Variants in ARHGAP25 observed in about 807,000 individuals in gnomAD.
ARHGAP25 encodes rho GTPase-activating protein 25.
In ARHGAP25, 34 loss-of-function variants were observed where a neutral mutation model predicts 71.0. The ratio of observed to expected loss-of-function variants is 0.48; its 90% CI spans 0.36 to 0.64. The LOEUF is 0.64. Among genes scored for constraint, ARHGAP25 ranks in the 30% least tolerant of loss-of-function variants. The pLI is 0.00. For missense variants in ARHGAP25, 706 were observed against 805.1 expected, an observed-to-expected ratio of 0.88 and a Z score of 1.49; for synonymous variants, 282 against 296.5, an observed-to-expected ratio of 0.95 and a Z score of 0.50.
Position 68,787,827 on chromosome 2 carries a change from A to G in ARHGAP25, c.350-13A>G. ...CACTCTAAGACCTTCACAAGTGCTA[A>G]TTCTTCCTCCAGCCTCATGGGACCA... On this transcript the variant is annotated splice_polypyrimidine_tract_variant and intron_variant, in intron 3 of 10. Coordinates refer to ENST00000409202, the MANE Select transcript of ARHGAP25 (RefSeq NM_001007231.3). The G allele has an allele frequency of 6.2e-7, 1 of 1,610,964 alleles. No homozygotes were observed. Among genetic ancestry groups the G allele is most frequent in the Non-Finnish European group, 8.5e-7 (1 of 1,177,078 alleles).
chr2:68,816,118 ATTGAG>A (rs763356696), intron 6 of ARHGAP25, 166 bp from the exon 7 acceptor site: 31 of 659,478 alleles, frequency 4.7e-5, no homozygotes, highest in South Asian at 2.9e-4. Flanking sequence ...TTCTGTGAGA[ATTGAG>A]TTATTTCCCT....
intron 5 of ARHGAP25, among the ~76,000 whole-genome samples, chr2:68,812,363 G>A (rs188177780): frequency 2.0e-4 from 30 of 152,188 alleles, no homozygotes; most frequent in Non-Finnish European, 4.1e-4. Context: ...CTCCTGGCCC[G>A]TGGCTTGCCA....
intron 1 of ARHGAP25, among the ~76,000 whole-genome samples, chr2:68,748,873 A>G (rs916009571): frequency 1.3e-5 from 2 of 152,186 alleles, no homozygotes; most frequent in African/African-American, 2.4e-5. Flanking sequence ...AGTCTTCTTG[A>G]TGATTGAAAC....
In ARHGAP25 at chr2:68,775,423, AC is replaced by A. The variant is rs1239781126; in HGVS notation, c.261+5del. On this transcript the variant is annotated splice_donor_region_variant and intron_variant, in intron 2 of 10. Transcript: ENST00000409202. ...ATGAAGAGGACACGAAGCCCCAGGTACCAGCCAGGCTGTTTGTCCCGTTCAT... is the reference window on the plus strand; with the variant it reads ...ATGAAGAGGACACGAAGCCCCAGGTACAGCCAGGCTGTTTGTCCCGTTCAT... 6.2e-7 allele frequency: 1 copy of A among 1,614,112 alleles called. No homozygotes were observed. Among genetic ancestry groups the A allele is most frequent in the African/African-American group, 1.3e-5 (1 of 74,938 alleles).
Position 68,807,447 on chromosome 2 carries a change from C to G in ARHGAP25, c.641C>G (p.Ala214Gly), listed in dbSNP as rs546137847. 1.2e-6 allele frequency: 2 copies of G among 1,614,214 alleles called. No individual in the cohort carries two copies. Among genetic ancestry groups the G allele is most frequent in the African/African-American group, 2.7e-5 (2 of 75,058 alleles). The change falls in exon 5 of 11, where the codon GCT (alanine) becomes GGT (glycine). Residue 214 changes from alanine to glycine, a missense_variant. Ala to Gly is a moderately conservative substitution (Grantham distance 60). Transcript: ENST00000409202. Reference sequence around the variant, plus strand: ...AACCTGGTGAAGCAGCTGAGAGACGCTTTTGATGCTGGGGAGCGGCCCTCC... The same window carrying G: ...AACCTGGTGAAGCAGCTGAGAGACGGTTTTGATGCTGGGGAGCGGCCCTCC... Reference protein sequence around the residue: ...QDNLVKQLRDAFDAGERPSFD... With the variant: ...QDNLVKQLRDGFDAGERPSFD...
chr2:68,746,710 T>TCC (rs1165247749), intron 1 of ARHGAP25, among the ~76,000 whole-genome samples: 2 of 147,236 alleles, frequency 1.4e-5, no homozygotes, highest in East Asian at 2.0e-4. Context: ...ACCACCCCCC[T>TCC]CCCCATCCCC....
intron 3 of ARHGAP25, among the ~76,000 whole-genome samples, chr2:68,783,826 GCCTGCTTTTTCAGTCTCT>G (rs1365842236): frequency 1.3e-5 from 2 of 152,124 alleles, no homozygotes; most frequent in Non-Finnish European, 2.9e-5. Flanking sequence ...AAGCAGGAAA[GCCTGCTTTTTCAGTCTCT>G]CCTCACTAGA....
At chr2:68,749,546 C>T (rs1676035944) in intron 1 of ARHGAP25, among the ~76,000 whole-genome samples, 1 of 152,150 alleles carries the variant, frequency 6.6e-6, no homozygotes, top group Non-Finnish European at 1.5e-5. Context: ...CTGTGAGCAC[C>T]CCAGTGCTTG....
At chr2:68,823,361 G>A (rs1681851104) in intron 10 of ARHGAP25, among the ~76,000 whole-genome samples, 1 of 152,198 alleles carries the variant, frequency 6.6e-6, no homozygotes. Flanking sequence ...GTCAGCTGAT[G>A]GCAAGTGCTG....
intron 1 of ARHGAP25, among the ~76,000 whole-genome samples, chr2:68,760,336 A>G (rs1479482506): frequency 1.3e-5 from 2 of 152,040 alleles, no homozygotes; most frequent in Non-Finnish European, 2.9e-5. Context: ...AGCCCTAGAC[A>G]GAGGAACTAG....
At chr2:68,774,831 C>T (rs1677751794) in intron 1 of ARHGAP25, 4 of 1,149,254 alleles carry the variant, frequency 3.5e-6, no homozygotes, top group Non-Finnish European at 4.3e-6. Context: ...ATTATTTTCT[C>T]CTCTCTCTTG....
chr2:68,795,052 G>A (rs1413492278), intron 4 of ARHGAP25, among the ~76,000 whole-genome samples: 2 of 151,974 alleles, frequency 1.3e-5, no homozygotes, highest in African/African-American at 4.8e-5. Context: ...TTTCTAGTTT[G>A]TGGGCATCTA....
chr2:68,767,161 G>A lies in ARHGAP25; in HGVS notation c.62-8060G>A, dbSNP rs772310213. ...CAGGGTACAGAGAGAAGGCTCCTTT[G>A]CTGTCATCAGTCTCACAGTAAAGAT... is the stretch of plus-strand genomic sequence containing the variant. On this transcript the variant is annotated intron_variant, in intron 1 of 10. Transcript: ENST00000409202. This position sits in a 1 kb window ranked among gnomAD's most constrained non-coding sequence, Gnocchi z 4.6. 3.9e-5 allele frequency among the ~76,000 whole-genome samples: 6 copies of A among 152,226 alleles called. No homozygotes were observed. The highest frequency in any genetic ancestry group is 7.3e-5 in the Non-Finnish European group (5 of 68,032).
At chr2:68,730,639 G>C (rs531304293), upstream of ARHGAP25, among the ~76,000 whole-genome samples, 173 of 148,032 alleles carry the variant, frequency 1.2e-3, 1 homozygote, top group Admixed American at 3.4e-4. Context: ...GACAGAGTGA[G>C]ACCCTGTCTC....
At position 68,826,366 on chromosome 2, in the gene ARHGAP25, T is replaced by C. The variant is rs1324331841; in HGVS notation, c.*172T>C. ...AATGGAGTTTGCAGGAAGGTGAGGG[T>C]GAGCAGAGATGTGTGTGGACATCTC... On this transcript the variant is annotated 3_prime_UTR_variant, in exon 11 of 11. Transcript: ENST00000409202. 1.4e-6 allele frequency: 1 copy of C among 715,610 alleles called. No homozygotes were observed. The highest frequency in any genetic ancestry group is 2.5e-6 in the Non-Finnish European group (1 of 398,818). 44.3% of individuals were successfully genotyped at this position (715,610 alleles called of 1,614,324 possible).
intron 1 of ARHGAP25, among the ~76,000 whole-genome samples, chr2:68,741,501 T>G (rs1262308357): frequency 6.6e-6 from 1 of 152,260 alleles, no homozygotes; most frequent in Non-Finnish European, 1.5e-5. Flanking sequence ...TTGATTAGCA[T>G]ACTTTTAGTC....
chr2:68,738,318 A>G (rs915197576), intron 1 of ARHGAP25, among the ~76,000 whole-genome samples: 2 of 152,124 alleles, frequency 1.3e-5, no homozygotes, highest in African/African-American at 4.8e-5. Context: ...TGGCTTCCCA[A>G]TGACCAGGCC....
At chr2:68,780,589 C>T (rs114516610) in intron 2 of ARHGAP25, among the ~76,000 whole-genome samples, 6 of 73,298 alleles carry the variant, frequency 8.2e-5, no homozygotes, top group African/African-American at 1.9e-4. Context: ...TTTTTCTTCT[C>T]CTCCTTCCCC....
At chr2:68,750,876 T>C (rs1380159293) in intron 1 of ARHGAP25, among the ~76,000 whole-genome samples, 1 of 152,154 alleles carries the variant, frequency 6.6e-6, no homozygotes, top group African/African-American at 2.4e-5. Context: ...AAACCAAAGG[T>C]GAAAGCTTTT....
Sources: allele counts gnomAD v4.1 joint callset (sites outside exome capture counted in the v4.1 genomes callset), GRCh38; gene constraint gnomAD v4.1.1; non-coding constraint Gnocchi (gnomAD v3.1); transcripts MANE v1.5; gene names NCBI Gene and HGNC (gene_info 2026-07-23, HGNC 2026-07-21).